The following NLRP13 variants were observed in gnomAD, a reference collection of about 807,000 sequenced individuals.
The protein encoded by NLRP13 is NACHT, LRR and PYD domains-containing protein 13.
A neutral mutation model predicts 94.4 loss-of-function variants in NLRP13; 82 were observed. That is an observed-to-expected ratio of 0.87 (90% CI 0.73 to 1.04). The LOEUF (loss-of-function observed/expected upper bound fraction) is 1.04, where lower values mean the gene tolerates loss of function less well. Ranked by LOEUF, NLRP13 falls within the 50% of genes least tolerant of loss-of-function variation. The pLI is 0.00. For synonymous variants in NLRP13, 553 were observed against 464.7 expected (o/e 1.19, Z -2.45); for missense variants, 1,426 against 1,230.8 (o/e 1.16, Z -2.37).
chr19:55,926,333 A>G (rs1186380295), intron 1 of NLRP13, among the ~76,000 whole-genome samples: 1 of 152,210 alleles, frequency 6.6e-6, no homozygotes, highest in African/African-American at 2.4e-5. Flanking sequence ...AGAGAAAACA[A>G]AGGTTAAAAA....
intron 2 of NLRP13, 99 bp downstream of exon 2, chr19:55,924,868 T>C (rs1479603449): frequency 8.1e-6 from 9 of 1,106,146 alleles, no homozygotes; most frequent in Non-Finnish European, 1.2e-5. Context: ...TTATGCACTA[T>C]AAATTCAAGA....
chr19:55,904,036 A>G (rs1986266202), intron 8 of NLRP13, among the ~76,000 whole-genome samples: 1 of 151,990 alleles, frequency 6.6e-6, no homozygotes, highest in Non-Finnish European at 1.5e-5. Context: ...TCCTACCACT[A>G]TCACCCTCAC....
At chr19:55,928,064 C>G (rs1039551575) in intron 1 of NLRP13, among the ~76,000 whole-genome samples, 3 of 152,152 alleles carry the variant, frequency 2.0e-5, no homozygotes, top group African/African-American at 7.2e-5. Context: ...AACTGCTGAG[C>G]TTTTATCGTC....
intron 1 of NLRP13, among the ~76,000 whole-genome samples, chr19:55,931,244 T>C (rs781131897): frequency 6.6e-6 from 1 of 152,048 alleles, no homozygotes; most frequent in Admixed American, 6.6e-5. Context: ...CAATCCTACA[T>C]GGCTCTGCTC....
intron 1 of NLRP13, among the ~76,000 whole-genome samples, chr19:55,930,686 C>CAAAAAAAAAAAAAAAAAAAAAAAAAAA (rs9304769): frequency 1.1e-5 from 1 of 94,206 alleles, no homozygotes; most frequent in African/African-American, 4.2e-5. Flanking sequence ...AACTCCATCT[C>CAAAAAAAAAAAAAAAAAAAAAAAAAAA]AAAAAAAAAA....
rs554222717 is a variant in NLRP13 at position 55,912,982 on chromosome 19, T to C, written c.835A>G (p.Thr279Ala). Residue 279 changes from threonine (T) to alanine (A), a missense_variant, in exon 5 of 11, where the codon ACT becomes GCT. By Grantham distance (58) the Thr-to-Ala change is moderately conservative. Coordinates refer to ENST00000342929, the MANE Select transcript of NLRP13 (RefSeq NM_176810.2). ...SCHKIRYMKE[T>A]TFAELISLDW... Reference sequence around the variant, plus strand: ...AAAGAAATCAATTCAGCAAAGGTAGTTTCCTTCATGTACCTTATTTTATGG... The same window carrying C: ...AAAGAAATCAATTCAGCAAAGGTAGCTTCCTTCATGTACCTTATTTTATGG... 1.3e-5 allele frequency: 21 copies of C among 1,613,872 alleles called. No homozygotes were observed. In the East Asian group the frequency reaches 4.2e-4, roughly 33 times the overall value.
rs762425285 is a variant in NLRP13 at position 55,932,084 on chromosome 19, G to C, written c.228C>G (p.Phe76Leu). ...LNLSFLLDEHFPKGQAWKVVL... is the reference protein window; with the variant it reads ...LNLSFLLDEHLPKGQAWKVVL... ...CCACTTTCCATGCCTGACCTTTTGG[G>C]AAGTGTTCATCCAAAAGAAAGGACA... Residue 76 changes from phenylalanine (F) to leucine (L), a missense_variant, in exon 1 of 11, where the codon TTC becomes TTG. Coordinates refer to ENST00000342929, the MANE Select transcript of NLRP13 (RefSeq NM_176810.2). The C allele has an allele frequency of 1.9e-6, 3 of 1,614,120 alleles. No individual in the cohort carries two copies. In the South Asian group the frequency reaches 3.3e-5, roughly 18 times the overall value.
chr19:55,916,881 G>A (rs1986688751), intron 4 of NLRP13, among the ~76,000 whole-genome samples: 1 of 151,974 alleles, frequency 6.6e-6, no homozygotes, highest in East Asian at 1.9e-4. Context: ...CAAAAAAAAT[G>A]CATTGCAAGA....
intron 4 of NLRP13, among the ~76,000 whole-genome samples, chr19:55,913,608 T>C (rs1030342866): frequency 4.2e-5 from 6 of 141,898 alleles, no homozygotes; most frequent in Admixed American, 7.0e-5. Flanking sequence ...AATTTGATGA[T>C]ATATACAAAT....
Position 55,912,949 on chromosome 19 carries a change from G to A in NLRP13, c.868C>T (p.Pro290Ser). The change falls in exon 5 of 11, where the codon CCC becomes TCC. Residue 290 changes from proline (P) to serine (S), a missense_variant. By Grantham distance (74) the Pro-to-Ser change is moderately conservative (BLOSUM62 -1). Coordinates refer to ENST00000342929, the MANE Select transcript of NLRP13 (RefSeq NM_176810.2). ...TCTTCAATGGGGGCATCAAAATCGGGCCAATCCAAAGAAATCAATTCAGCA... is the reference window on the plus strand; with the variant it reads ...TCTTCAATGGGGGCATCAAAATCGGACCAATCCAAAGAAATCAATTCAGCA... Reference protein sequence around the residue: ...TFAELISLDWPDFDAPIEEFM... With the variant: ...TFAELISLDWSDFDAPIEEFM... The A allele has an allele frequency of 7.4e-6, 12 of 1,613,978 alleles. No homozygotes were observed. Among genetic ancestry groups the A allele is most frequent in the Non-Finnish European group, 1.0e-5 (12 of 1,179,888 alleles).
chr19:55,892,129 A>G, downstream of NLRP13: 2 of 1,231,996 alleles, frequency 1.6e-6, no homozygotes, highest in Non-Finnish European at 1.0e-6. Context: ...AGCCTGCAAA[A>G]TAAGAAGTAC....
At chr19:55,910,267 A>G (rs912099971) in intron 6 of NLRP13, among the ~76,000 whole-genome samples, 7 of 152,168 alleles carry the variant, frequency 4.6e-5, no homozygotes, top group Admixed American at 2.0e-4. Context: ...TGAGTCCACC[A>G]TACCCTCGAA....
chr19:55,901,933 G>A (rs1355439246), intron 9 of NLRP13, 102 bp downstream of exon 9: 33 of 1,234,548 alleles, frequency 2.7e-5, no homozygotes, highest in Non-Finnish European at 3.8e-5. Flanking sequence ...CAAAGAGCTT[G>A]TCCACGCCTC....
chr19:55,913,240 C>T lies in NLRP13; in HGVS notation c.577G>A (p.Asp193Asn). The T allele has an allele frequency of 6.2e-7, 1 of 1,614,080 alleles. No individual in the cohort carries two copies. The highest frequency in any genetic ancestry group is 8.5e-7 in the Non-Finnish European group (1 of 1,180,014). ...TGGTCTTTAGGCCAACTGATGTTGT[C>T]CCATGTCTCCAGTAGTTCAGCCTTC... is the stretch of plus-strand genomic sequence containing the variant. ...NMKAELLETWDNISWPKDHVY... is the reference protein window; with the variant it reads ...NMKAELLETWNNISWPKDHVY... Residue 193 changes from aspartate to asparagine, a missense_variant, in exon 5 of 11, where the codon GAC (aspartate) becomes AAC (asparagine). Asp to Asn is a conservative substitution (Grantham distance 23). Coordinates refer to ENST00000342929, the MANE Select transcript of NLRP13 (RefSeq NM_176810.2).
chr19:55,910,418 G>C (rs1298573527), intron 6 of NLRP13, 145 bp downstream of exon 6: 3 of 723,392 alleles, frequency 4.1e-6, no homozygotes, highest in Non-Finnish European at 2.1e-6. Context: ...CCAAGTAGCA[G>C]TTTCATAAAT....
At chr19:55,895,692 GAAAGAAA>G (rs1985988200), downstream of NLRP13, among the ~76,000 whole-genome samples, 1 of 152,024 alleles carries the variant, frequency 6.6e-6, no homozygotes, top group Non-Finnish European at 1.5e-5. Flanking sequence ...CAAAAAAGGT[GAAAGAAA>G]AAAGAAAACT....
At chr19:55,905,203 A>C in intron 7 of NLRP13, 91 bp from the exon 8 acceptor site, 1 of 1,322,414 alleles carries the variant, frequency 7.6e-7, no homozygotes. Context: ...CCGAGACCCA[A>C]ACATTATGGG....
Position 55,902,195 on chromosome 19 carries a change from A to G in NLRP13, c.2629T>C (p.Cys877Arg). 1 of 1,613,782 alleles carries G rather than the reference A, an allele frequency of 6.2e-7. No individual in the cohort carries two copies. Among genetic ancestry groups the G allele is most frequent in the Non-Finnish European group, 8.5e-7 (1 of 1,179,878 alleles). ...TTGCAAGCGGGTGCTGCCAGCTGGC[A>G]AAACCAGAGCCTGCAGGGTGAAAGC... ...CALERLELWFCQLAAPACKHL... is the reference protein window; with the variant it reads ...CALERLELWFRQLAAPACKHL... Residue 877 changes from cysteine (C) to arginine (R), a missense_variant, in exon 9 of 11, where the codon TGC (cysteine) becomes CGC (arginine). By Grantham distance (180) the Cys-to-Arg change is radical (BLOSUM62 -3). Transcript: ENST00000342929.
chr19:55,922,331 T>C (rs540412551), intron 4 of NLRP13, among the ~76,000 whole-genome samples: 1 of 152,138 alleles, frequency 6.6e-6, no homozygotes, highest in Admixed American at 6.5e-5. Context: ...TTTGTTTTTT[T>C]GTTTGTTTGT....
Sources: allele counts gnomAD v4.1 joint callset (sites outside exome capture counted in the v4.1 genomes callset), GRCh38; gene constraint gnomAD v4.1.1; transcripts MANE v1.5; gene names NCBI Gene and HGNC (gene_info 2026-07-23, HGNC 2026-07-21).